SAMSN1: variants seen among roughly 807,000 people sequenced by gnomAD.
SAMSN1 encodes the protein SAM domain, SH3 domain and nuclear localization signals 1.
A neutral mutation model predicts 42.0 loss-of-function variants in SAMSN1; 31 were observed. That is an observed-to-expected ratio of 0.74 (90% CI 0.55 to 1.00). SAMSN1 has a LOEUF of 1.00. SAMSN1 is among the 50% of genes least tolerant of loss of function. The pLI is 0.00. For synonymous variants in SAMSN1, 178 were observed against 151.9 expected, an observed-to-expected ratio of 1.17 and a Z score of -1.26; for missense variants, 464 against 439.4, an observed-to-expected ratio of 1.06 and a Z score of -0.50.
intron 1 of SAMSN1, among the ~76,000 whole-genome samples, chr21:14,544,197 C>T (rs1467897442): frequency 2.6e-5 from 4 of 152,154 alleles, no homozygotes; most frequent in Non-Finnish European, 4.4e-5. Context: ...ACTACATGCA[C>T]GTGCCACCAT....
chr21:14,572,345 C>T (rs1053029891), intron 2 of SAMSN1, among the ~76,000 whole-genome samples: 2 of 152,110 alleles, frequency 1.3e-5, no homozygotes, highest in African/African-American at 4.8e-5. Flanking sequence ...AACGAAGTGA[C>T]TTAACAGTTA....
chr21:14,545,158 T>G (rs889378855), intron 1 of SAMSN1, among the ~76,000 whole-genome samples: 1 of 152,164 alleles, frequency 6.6e-6, no homozygotes, highest in African/African-American at 2.4e-5. Flanking sequence ...ATTCTCAGTT[T>G]CCAAAGATAA....
chr21:14,582,375 G>C (rs753437101), exon 2 of SAMSN1: 1 of 1,550,054 alleles, frequency 6.5e-7, no homozygotes, highest in South Asian at 1.2e-5. Context: ...GATGCAGAAA[G>C]AGTATCCAAT....
chr21:14,508,436 C>A (rs1255367331), intron 5 of SAMSN1, among the ~76,000 whole-genome samples: 2 of 152,036 alleles, frequency 1.3e-5, no homozygotes, highest in Non-Finnish European at 2.9e-5. Context: ...ACACAAATGG[C>A]CAACAAACAC....
chr21:14,517,257 G>GTT (rs1475803996), intron 2 of SAMSN1, among the ~76,000 whole-genome samples: 2 of 152,188 alleles, frequency 1.3e-5, no homozygotes, highest in African/African-American at 4.8e-5. Context: ...AATTCGTGAT[G>GTT]TTAAAGGACT....
intron 5 of SAMSN1, among the ~76,000 whole-genome samples, chr21:14,602,844 C>A (rs1982470946): frequency 6.6e-6 from 1 of 151,716 alleles, no homozygotes; most frequent in Non-Finnish European, 1.5e-5. Context: ...TTCTACTATT[C>A]CTCATTCTCA....
intron 1 of SAMSN1, among the ~76,000 whole-genome samples, chr21:14,528,999 T>C (rs1979064779): frequency 6.6e-6 from 1 of 152,232 alleles, no homozygotes; most frequent in Admixed American, 6.5e-5. Context: ...TAAATAGTTT[T>C]TCCTCAGTCA....
intron 5 of SAMSN1, among the ~76,000 whole-genome samples, chr21:14,508,796 A>C (rs941843980): frequency 6.6e-6 from 1 of 152,226 alleles, no homozygotes; most frequent in East Asian, 1.9e-4. Flanking sequence ...AAAAATATGG[A>C]ACCAACCCAA....
At chr21:14,617,501 T>C (rs940187293) in intron 2 of SAMSN1, among the ~76,000 whole-genome samples, 1 of 152,176 alleles carries the variant, frequency 6.6e-6, no homozygotes, top group Non-Finnish European at 1.5e-5. Context: ...TATGTGTATT[T>C]GGAACTCACT....
upstream of SAMSN1, among the ~76,000 whole-genome samples, chr21:14,584,054 T>C (rs777579210): frequency 5.7e-4 from 87 of 151,704 alleles, no homozygotes; most frequent in Non-Finnish European, 1.2e-3. Flanking sequence ...GAAATATCTA[T>C]AAATGACTCA....
intron 3 of SAMSN1, among the ~76,000 whole-genome samples, chr21:14,615,320 G>GAAA: frequency 6.6e-6 from 1 of 150,528 alleles, no homozygotes; most frequent in South Asian, 2.1e-4. Flanking sequence ...GAATAAAAAA[G>GAAA]AAAAAAAAAG....
intron 6 of SAMSN1, among the ~76,000 whole-genome samples, chr21:14,600,767 A>G (rs1468468088): frequency 6.6e-6 from 1 of 152,146 alleles, no homozygotes; most frequent in Non-Finnish European, 1.5e-5. Flanking sequence ...CTTCACTTAG[A>G]TATTATATCT....
chr21:14,535,995 A>G (rs1019468184), intron 1 of SAMSN1, among the ~76,000 whole-genome samples: 10 of 152,212 alleles, frequency 6.6e-5, no homozygotes, highest in African/African-American at 2.4e-4. Flanking sequence ...CTCTCTATCT[A>G]TGCAAGAATC....
At chr21:14,565,206 G>T (rs183853486) in intron 2 of SAMSN1, among the ~76,000 whole-genome samples, 25 of 147,450 alleles carry the variant, frequency 1.7e-4, no homozygotes, top group Admixed American at 9.1e-4. Context: ...TGAGGCAGGA[G>T]AATCACTTTA....
upstream of SAMSN1, among the ~76,000 whole-genome samples, chr21:14,585,757 TA>T (rs1263343573): frequency 6.6e-6 from 1 of 152,212 alleles, no homozygotes; most frequent in Non-Finnish European, 1.5e-5. Flanking sequence ...TGAATGTAAA[TA>T]CAATCCTAAT....
upstream of SAMSN1, among the ~76,000 whole-genome samples, chr21:14,550,730 C>T (rs571049224): frequency 6.6e-6 from 1 of 152,074 alleles, no homozygotes; most frequent in Admixed American, 6.6e-5. Flanking sequence ...ATTCATTTTA[C>T]CTCAAATAGA....
intron 2 of SAMSN1, among the ~76,000 whole-genome samples, chr21:14,641,610 C>T (rs1983600370): frequency 6.6e-6 from 1 of 151,984 alleles, no homozygotes; most frequent in Non-Finnish European, 1.5e-5. Flanking sequence ...TATTACCTTA[C>T]AAAAATAAGG....
rs188855963 is a variant in SAMSN1, at chr21:14,618,420, A to G, written c.157-2404T>C. 4.6e-5 allele frequency among the ~76,000 whole-genome samples: 7 copies of G among 152,328 alleles called. No individual in the cohort carries two copies. In the South Asian group the frequency reaches 8.3e-4, roughly 18 times the overall value. On this transcript the variant is annotated intron_variant, in intron 2 of 15. Coordinates refer to the SAMSN1 transcript ENST00000647101. Reference sequence around the variant, plus strand: ...TCTACTTAATTAGAATAATAGGTCTATTCCCTCGGTGTTGCCTAGTTGTAG... The same window carrying G: ...TCTACTTAATTAGAATAATAGGTCTGTTCCCTCGGTGTTGCCTAGTTGTAG...
In SAMSN1 at chr21:14,534,986, C is replaced by T. The variant is rs77276421; in HGVS notation, c.57+11219G>A. On this transcript the variant is annotated intron_variant, in intron 1 of 7. Transcript: ENST00000400566. ...GGAAGTGACAGTCCACCTATAAATT[C>T]GAATAGATAAGAATTCATGAGTTGG... Among the ~76,000 whole-genome samples the T allele has an allele frequency of 6.2e-3, 939 of 152,042 alleles. 11 individuals are homozygous for T. The highest frequency in any genetic ancestry group is 0.021 in the African/African-American group (860 of 41,454).
Sources: allele counts gnomAD v4.1 joint callset (sites outside exome capture counted in the v4.1 genomes callset), GRCh38; gene constraint gnomAD v4.1.1; transcripts MANE v1.5; gene names NCBI Gene and HGNC (gene_info 2026-07-23, HGNC 2026-07-21).